The following RAB31 variants were observed in gnomAD, a reference collection of about 807,000 sequenced individuals.
RAB31 encodes RAB31, member RAS oncogene family, also known as ras-related protein Rab-31.
RAB31 carries 21 observed loss-of-function variants against 25.6 expected under a neutral mutation model. That is an observed-to-expected ratio of 0.82 (90% CI 0.58 to 1.18). RAB31 has a LOEUF of 1.18. Ranked by LOEUF, RAB31 falls within the 50% of genes most tolerant of loss-of-function variation. The pLI is 0.00. For synonymous variants in RAB31, 87 were observed against 84.0 expected, an observed-to-expected ratio of 1.04 and a Z score of -0.20; for missense variants, 196 against 250.1, an observed-to-expected ratio of 0.78 and a Z score of 1.46.
chr18:9,841,455 C>T (rs547461086), intron 5 of RAB31, among the ~76,000 whole-genome samples: 32 of 147,296 alleles, frequency 2.2e-4, no homozygotes, highest in African/African-American at 7.2e-4. Context: ...AGGAGAATGG[C>T]GTGAACCCGG....
chr18:9,714,873 G>A (rs1305952754), intron 1 of RAB31, among the ~76,000 whole-genome samples: 1 of 152,154 alleles, frequency 6.6e-6, no homozygotes, highest in Non-Finnish European at 1.5e-5. Context: ...CCCACCATGC[G>A]GAACAGAAGT....
chr18:9,734,947 C>T (rs2068143115), intron 1 of RAB31: 4 of 308,626 alleles, frequency 1.3e-5, no homozygotes, highest in South Asian at 1.2e-4. Flanking sequence ...TTATAGTAGC[C>T]CAGTTGCACC....
Position 9,711,848 on chromosome 18 carries a change from A to G in RAB31, c.39+3404A>G, listed in dbSNP as rs113539492. The stretch of plus-strand genomic sequence containing the variant: ...ATAACAAAATATCACTCTCACTGGG[A>G]AGGCTGAGGGGTTGGTCTTTTTGTG... On this transcript the variant is annotated intron_variant, in intron 1 of 6. Coordinates refer to ENST00000578921, the MANE Select transcript of RAB31 (RefSeq NM_006868.4). Among the ~76,000 whole-genome samples the G allele has an allele frequency of 2.1e-3, 316 of 152,322 alleles. 3 individuals are homozygous for G. Among genetic ancestry groups the G allele is most frequent in the African/African-American group, 7.4e-3 (308 of 41,562 alleles).
At chr18:9,748,492 C>A (rs1421588435) in intron 1 of RAB31, among the ~76,000 whole-genome samples, 5 of 152,042 alleles carry the variant, frequency 3.3e-5, no homozygotes, top group African/African-American at 1.2e-4. Context: ...GGTGGCAGAG[C>A]AAGACCCTGT....
At chr18:9,798,326 C>T (rs573747107) in intron 3 of RAB31, among the ~76,000 whole-genome samples, 2,844 of 152,238 alleles carry the variant, frequency 0.019, 99 homozygotes, top group African/African-American at 0.065. Flanking sequence ...AGTCTTGCAT[C>T]TCTCCAGTAA....
At chr18:9,805,793 C>T (rs767520774) in intron 3 of RAB31, among the ~76,000 whole-genome samples, 3 of 152,168 alleles carry the variant, frequency 2.0e-5, no homozygotes, top group Admixed American at 2.0e-4. Context: ...ACTGAAGCAA[C>T]GTTTCATTTC....
At chr18:9,756,079 T>A (rs2068259089) in intron 1 of RAB31, among the ~76,000 whole-genome samples, 1 of 152,230 alleles carries the variant, frequency 6.6e-6, no homozygotes, top group African/African-American at 2.4e-5. Context: ...AAGTGCTGGA[T>A]GATTGGAGAA....
At chr18:9,718,328 C>T (rs942814211) in intron 1 of RAB31, among the ~76,000 whole-genome samples, 3 of 151,906 alleles carry the variant, frequency 2.0e-5, no homozygotes, top group South Asian at 2.1e-4. Flanking sequence ...GGTGTGATCT[C>T]GACTCACTGC....
At chr18:9,734,209 C>A (rs1399746648) in intron 1 of RAB31, among the ~76,000 whole-genome samples, 1 of 152,088 alleles carries the variant, frequency 6.6e-6, no homozygotes, top group Non-Finnish European at 1.5e-5. Flanking sequence ...TGACACTGGA[C>A]GAACTCCTTC....
chr18:9,770,574 T>A (rs987077159), intron 1 of RAB31, among the ~76,000 whole-genome samples: 7 of 152,234 alleles, frequency 4.6e-5, no homozygotes, highest in African/African-American at 1.7e-4. Flanking sequence ...AACCAATTGC[T>A]GGGCATGAGT....
At chr18:9,835,326 G>C (rs143728581) in intron 5 of RAB31, among the ~76,000 whole-genome samples, 4 of 151,464 alleles carry the variant, frequency 2.6e-5, no homozygotes, top group African/African-American at 7.4e-5. Flanking sequence ...ATTTGGAGCC[G>C]ACAACTCTTT....
At chr18:9,839,314 CA>C (rs1441771860) in intron 5 of RAB31, among the ~76,000 whole-genome samples, 8 of 152,144 alleles carry the variant, frequency 5.3e-5, no homozygotes, top group African/African-American at 1.2e-4. Flanking sequence ...CGGGGGCAAA[CA>C]GGGGAAGAGT....
At chr18:9,848,035 T>C (rs1599066000) in intron 6 of RAB31, among the ~76,000 whole-genome samples, 1 of 152,230 alleles carries the variant, frequency 6.6e-6, no homozygotes, top group African/African-American at 2.4e-5. Flanking sequence ...AATTAATTCC[T>C]ATATAAGCCA....
At chr18:9,760,732 T>C (rs12970910) in intron 1 of RAB31, among the ~76,000 whole-genome samples, 27,885 of 152,120 alleles carry the variant, frequency 0.18, 2,753 homozygotes, top group South Asian at 0.21. Context: ...TAACATGTCT[T>C]GTCACAGTTC....
At chr18:9,789,441 C>A (rs1199550169) in intron 2 of RAB31, among the ~76,000 whole-genome samples, 3 of 152,140 alleles carry the variant, frequency 2.0e-5, no homozygotes, top group Non-Finnish European at 4.4e-5. Context: ...TGCCAATTAC[C>A]CTGATTTGAT....
intron 6 of RAB31, among the ~76,000 whole-genome samples, chr18:9,853,126 A>AT (rs901722601): frequency 2.0e-5 from 3 of 152,122 alleles, no homozygotes; most frequent in African/African-American, 7.2e-5. Flanking sequence ...TTGGATACAT[A>AT]TTTTTTATCA....
Position 9,861,158 on chromosome 18 carries a change from G to C in RAB31, c.*1833G>C, listed in dbSNP as rs557706. The stretch of plus-strand genomic sequence containing the variant: ...ATTGAAGTGACCTCTTTCCAGCTGA[G>C]TTGCAGGCTTATTTTGTAACCTTTC... On this transcript the variant is annotated 3_prime_UTR_variant, in exon 7 of 7. Transcript: ENST00000578921. The C allele has an allele frequency of 0.66, 100,528 of 151,614 alleles. 33,831 individuals are homozygous for C. Among genetic ancestry groups the C allele is most frequent in the East Asian group, 0.78 (4,046 of 5,158 alleles). 9.4% of individuals were successfully genotyped at this position (151,614 alleles called of 1,614,324 possible).
chr18:9,719,298 A>AAAAATATAT (rs1568161256), intron 1 of RAB31, among the ~76,000 whole-genome samples: 2 of 23,102 alleles, frequency 8.7e-5, no homozygotes, highest in Non-Finnish European at 9.0e-5. Flanking sequence ...AAAAAAAAAA[A>AAAAATATAT]ATATATATAT....
intron 1 of RAB31, among the ~76,000 whole-genome samples, chr18:9,721,372 G>A (rs537672471): frequency 7.9e-5 from 12 of 152,140 alleles, no homozygotes; most frequent in Admixed American, 7.9e-4. Flanking sequence ...CCAGCACTTC[G>A]GGAGGCCAAG....
Sources: allele counts gnomAD v4.1 joint callset (sites outside exome capture counted in the v4.1 genomes callset), GRCh38; gene constraint gnomAD v4.1.1; transcripts MANE v1.5; gene names NCBI Gene and HGNC (gene_info 2026-07-23, HGNC 2026-07-21).